MACF1: variants seen among roughly 807,000 people sequenced by gnomAD.
MACF1 encodes microtubule actin crosslinking factor 1.
MACF1 carries 193 observed loss-of-function variants against 854.8 expected under a neutral mutation model. That is an observed-to-expected ratio of 0.23 (90% confidence interval 0.20 to 0.25). The LOEUF (loss-of-function observed/expected upper bound fraction) is 0.25, where lower values mean the gene tolerates loss of function less well. MACF1 is among the 10% of genes least tolerant of loss of function. MACF1 has a pLI of 1.00. For synonymous variants in MACF1, 3,185 were observed against 3,226.7 expected (o/e 0.99, Z 0.44); for missense variants, 7,722 against 8,929.1 (o/e 0.86, Z 5.45).
intron 90 of MACF1, chr1:39,458,882 G>A (rs1644495014): frequency 1.8e-6 from 1 of 551,650 alleles, no homozygotes; most frequent in Non-Finnish European, 3.1e-6. Flanking sequence ...TTGGAGATAT[G>A]TAGGCAGCAG....
At chr1:39,287,047 G>A (rs555902470) in intron 14 of MACF1, among the ~76,000 whole-genome samples, 2 of 150,028 alleles carry the variant, frequency 1.3e-5, no homozygotes, top group African/African-American at 4.9e-5. Context: ...TGCAACCTCC[G>A]CCTCCTGAGT....
intron 84 of MACF1, 22 bp from the exon 85 acceptor site, chr1:39,451,030 A>T (rs1212349922): frequency 6.2e-7 from 1 of 1,606,650 alleles, no homozygotes; most frequent in East Asian, 2.2e-5. Context: ...TAAAAATGGT[A>T]GCGTTTGTGT....
chr1:39,453,773 A>G lies in MACF1; in HGVS notation c.20809A>G (p.Ile6937Val), dbSNP rs1447042115. 21 of 1,614,140 alleles carry G rather than the reference A, an allele frequency of 1.3e-5. No homozygotes were observed. Among genetic ancestry groups the G allele is most frequent in the Non-Finnish European group, 1.7e-5 (20 of 1,179,940 alleles). ...VNSAVAMGEVILAVCHPDCIT... is the reference protein window; with the variant it reads ...VNSAVAMGEVVLAVCHPDCIT... The stretch of plus-strand genomic sequence containing the variant: ...CTCAGCAGTAGCCATGGGAGAAGTC[A>G]TCCTGGCTGTCTGCCACCCCGATTG... Residue 6937 changes from isoleucine (I) to valine (V), a missense_variant, in exon 88 of 101, where the codon ATC becomes GTC. Transcript: ENST00000564288.
intron 44 of MACF1, among the ~76,000 whole-genome samples, chr1:39,356,922 A>G (rs1185608349): frequency 2.0e-5 from 3 of 152,216 alleles, no homozygotes; most frequent in African/African-American, 7.2e-5. Flanking sequence ...ATGAGATAAT[A>G]CATGTAAAAT....
intron 2 of MACF1, among the ~76,000 whole-genome samples, chr1:39,125,376 C>T (rs1042128028): frequency 5.9e-5 from 9 of 152,154 alleles, no homozygotes; most frequent in Admixed American, 4.6e-4. Context: ...TTGATTTCCT[C>T]GTTAGTAGTG....
intron 58 of MACF1, among the ~76,000 whole-genome samples, chr1:39,389,238 T>C (rs1641928740): frequency 6.6e-6 from 1 of 152,064 alleles, no homozygotes; most frequent in Non-Finnish European, 1.5e-5. Flanking sequence ...TAGAAAGAAA[T>C]GTCCAAGTCT....
intron 98 of MACF1, 191 bp downstream of exon 98, chr1:39,480,200 G>A: frequency 2.2e-6 from 1 of 455,282 alleles, no homozygotes; most frequent in Non-Finnish European, 4.1e-6. Context: ...ACAGATATAT[G>A]GCCTTTAAGA....
intron 1 of MACF1, among the ~76,000 whole-genome samples, chr1:39,223,277 A>C (rs1644675475): frequency 6.6e-6 from 1 of 152,218 alleles, no homozygotes; most frequent in Non-Finnish European, 1.5e-5. Flanking sequence ...TTCCATCATA[A>C]TGGATCTTAG....
rs1346407293 is a variant in MACF1, at chr1:39,455,020, A to G, written c.20998A>G (p.Thr7000Ala). ...ELLAWIQWAE[T>A]TLIQRDQEPI... ...TCTGGCATGGATCCAGTGGGCTGAG[A>G]CCACCCTCATTCAGCGGGATCAGGA... The change falls in exon 89 of 101, where the codon ACC becomes GCC. Residue 7000 changes from threonine to alanine, a missense_variant. By Grantham distance (58) the Thr-to-Ala change is moderately conservative (BLOSUM62 0). Coordinates refer to ENST00000564288, the MANE Select transcript of MACF1 (RefSeq NM_001394062.1). The G allele has an allele frequency of 1.2e-6, 2 of 1,613,924 alleles. No individual in the cohort carries two copies. The highest frequency in any genetic ancestry group is 1.7e-6 in the Non-Finnish European group (2 of 1,179,996).
intron 38 of MACF1, 67 bp from the exon 39 acceptor site, chr1:39,340,435 G>A (rs1047030155): frequency 8.6e-7 from 1 of 1,157,438 alleles, no homozygotes; most frequent in Non-Finnish European, 1.3e-6. Flanking sequence ...AGAGAAATGT[G>A]TTCACAGCTG....
chr1:39,479,144 A>G (rs1001229358), intron 97 of MACF1, among the ~76,000 whole-genome samples: 1 of 152,132 alleles, frequency 6.6e-6, no homozygotes, highest in Admixed American at 6.5e-5. Context: ...TCCTACTTGC[A>G]GTTACTCCTT....
chr1:39,422,327 G>A (rs193034053), intron 58 of MACF1, 47 bp from the exon 59 acceptor site: 1 of 1,534,438 alleles, frequency 6.5e-7, no homozygotes. Flanking sequence ...GGTATAGAGA[G>A]TCTAATAGCC....
At chr1:39,212,413 A>G (rs1444456492) in intron 1 of MACF1, among the ~76,000 whole-genome samples, 1 of 152,108 alleles carries the variant, frequency 6.6e-6, no homozygotes, top group Admixed American at 6.6e-5. Flanking sequence ...ACTCTACCCT[A>G]CTTTTCTCAG....
intron 6 of MACF1, among the ~76,000 whole-genome samples, chr1:39,265,831 G>A (rs1039289661): frequency 6.6e-6 from 1 of 152,142 alleles, no homozygotes; most frequent in African/African-American, 2.4e-5. Flanking sequence ...AGTAATAAAT[G>A]GGAAGAAAAG....
intron 45 of MACF1, among the ~76,000 whole-genome samples, chr1:39,358,379 T>C (rs944754951): frequency 6.6e-6 from 1 of 152,316 alleles, no homozygotes; most frequent in African/African-American, 2.4e-5. Flanking sequence ...ACACTTCTAA[T>C]CCCCAAGAAA....
At chr1:39,295,229 C>A in intron 19 of MACF1, 79 bp downstream of exon 19, 1 of 1,189,188 alleles carries the variant, frequency 8.4e-7, no homozygotes, top group Non-Finnish European at 1.2e-6. Flanking sequence ...AGACTTTGTT[C>A]CACTGAAAGA....
chr1:39,250,280 T>A, intron 3 of MACF1, 177 bp downstream of exon 3: 1 of 423,256 alleles, frequency 2.4e-6, no homozygotes. Context: ...TTACAAATTA[T>A]ATAATTTAAA....
chr1:39,411,130 CCT>C (rs1333787655), intron 58 of MACF1: 6 of 1,613,636 alleles, frequency 3.7e-6, no homozygotes, highest in African/African-American at 1.3e-5. Flanking sequence ...GGAAATGCCA[CCT>C]CTCTCCCCTT....
At chr1:39,417,855 G>T (rs569101968) in intron 58 of MACF1, among the ~76,000 whole-genome samples, 19 of 150,342 alleles carry the variant, frequency 1.3e-4, no homozygotes, top group African/African-American at 3.9e-4. Flanking sequence ...TGGGATTACA[G>T]GCATGAGCCA....
Sources: allele counts gnomAD v4.1 joint callset (sites outside exome capture counted in the v4.1 genomes callset), GRCh38; gene constraint gnomAD v4.1.1; transcripts MANE v1.5; gene names NCBI Gene and HGNC (gene_info 2026-07-23, HGNC 2026-07-21).